The following CSMD1 variants were observed in gnomAD, a reference collection of about 807,000 sequenced individuals.
CSMD1 encodes CUB and Sushi multiple domains 1.
CSMD1 carries 213 observed loss-of-function variants against 417.5 expected under a neutral mutation model. The ratio of observed to expected loss-of-function variants is 0.51; its 90% CI spans 0.46 to 0.57. CSMD1 has a LOEUF of 0.57. CSMD1 is among the 20% of genes least tolerant of loss of function. The pLI is 0.00. For synonymous variants in CSMD1, 2,862 were observed against 1,736.8 expected, an observed-to-expected ratio of 1.65 and a Z score of -16.11; for missense variants, 6,923 against 4,529.7, an observed-to-expected ratio of 1.53 and a Z score of -15.17.
chr8:3,790,552 G>C (rs759489330), intron 5 of CSMD1, among the ~76,000 whole-genome samples: 12 of 152,204 alleles, frequency 7.9e-5, no homozygotes, highest in Non-Finnish European at 1.2e-4. Context: ...CAGAAACTTA[G>C]ACAACTAGGA....
chr8:3,232,484 T>A lies in CSMD1; in HGVS notation c.4154-2253A>T, dbSNP rs145934110. Among the ~76,000 whole-genome samples, 17 of 152,302 alleles carry A rather than the reference T, an allele frequency of 1.1e-4. 1 individual carries two copies. In the East Asian group the frequency reaches 2.9e-3, roughly 26 times the overall value. ...GGAATGCACCATGATTTTTCCATCC[T>A]CTTCTTGATGGATCTTTGGGTCATT... On this transcript the variant is annotated intron_variant, in intron 26 of 69. Coordinates refer to ENST00000635120, the MANE Select transcript of CSMD1 (RefSeq NM_033225.6).
intron 3 of CSMD1, among the ~76,000 whole-genome samples, chr8:4,211,242 TA>T (rs1442942794): frequency 6.6e-6 from 1 of 152,030 alleles, no homozygotes; most frequent in Admixed American, 6.6e-5. Context: ...GCACCTCAGA[TA>T]GGGGGAAAAG....
In CSMD1 at chr8:4,841,930, A is replaced by AAAAAAAAAAAACAAAAC. The variant is rs1192383183; in HGVS notation, c.85+152401_85+152402insGTTTTGTTTTTTTTTTT. On this transcript the variant is annotated intron_variant, in intron 1 of 69. Coordinates refer to ENST00000635120, the MANE Select transcript of CSMD1 (RefSeq NM_033225.6). ...CCGTCTCAAAAAAAAAAAAAAAAAA[A>AAAAAAAAAAAACAAAAC]AAAAAAAAGTTCAGAACAATGGATA... Among the ~76,000 whole-genome samples the AAAAAAAAAAAACAAAAC allele has an allele frequency of 1.8e-3, 217 of 122,456 alleles. 7 individuals carry two copies. Among genetic ancestry groups the AAAAAAAAAAAACAAAAC allele is most frequent in the Middle Eastern group, 0.013 (3 of 226 alleles). The allele number at this position is 122,456 out of a possible 152,430, so 80.3% of individuals were successfully genotyped here.
At chr8:3,533,863 T>C (rs1429534872) in intron 10 of CSMD1, among the ~76,000 whole-genome samples, 1 of 152,208 alleles carries the variant, frequency 6.6e-6, no homozygotes, top group Non-Finnish European at 1.5e-5. Flanking sequence ...AGTCTGTAGG[T>C]ATCTACAATC....
chr8:3,751,459 TTAAA>T (rs1292982202), intron 6 of CSMD1, among the ~76,000 whole-genome samples: 1 of 148,364 alleles, frequency 6.7e-6, no homozygotes, highest in African/African-American at 2.4e-5. Flanking sequence ...ATGTTTATAC[TTAAA>T]TATATAATTA....
At chr8:3,979,282 C>G (rs1218773820) in intron 5 of CSMD1, among the ~76,000 whole-genome samples, 1 of 152,158 alleles carries the variant, frequency 6.6e-6, no homozygotes, top group Non-Finnish European at 1.5e-5. Context: ...GCAATGTGCT[C>G]TAATTTGTTC....
Position 3,307,840 on chromosome 8 carries a change from G to A in CSMD1, c.3824-19C>T. ...CATTCCGCTGTAGAAGACACAGAGAGATGGGAACGTTCAGCTTCAGGCATC... is the reference window on the plus strand; with the variant it reads ...CATTCCGCTGTAGAAGACACAGAGAAATGGGAACGTTCAGCTTCAGGCATC... On this transcript the variant is annotated intron_variant, in intron 24 of 69. Coordinates refer to ENST00000635120, the MANE Select transcript of CSMD1 (RefSeq NM_033225.6). The A allele has an allele frequency of 6.2e-7, 1 of 1,605,236 alleles. No individual in the cohort carries two copies. The highest frequency in any genetic ancestry group is 1.3e-5 in the African/African-American group (1 of 74,702).
At chr8:4,115,586 C>G (rs965877526) in intron 3 of CSMD1, among the ~76,000 whole-genome samples, 3 of 152,182 alleles carry the variant, frequency 2.0e-5, no homozygotes, top group African/African-American at 7.2e-5. Context: ...CTTAACTGAT[C>G]ATACATTTTT....
At chr8:4,994,093 C>T (rs1051024631) in intron 1 of CSMD1, among the ~76,000 whole-genome samples, 1 of 152,056 alleles carries the variant, frequency 6.6e-6, no homozygotes, top group Admixed American at 6.5e-5. Context: ...AGAGATCTCT[C>T]CTGTGAGCCC....
chr8:4,350,789 TC>T (rs1360470725), intron 3 of CSMD1, among the ~76,000 whole-genome samples: 1 of 152,184 alleles, frequency 6.6e-6, no homozygotes, highest in African/African-American at 2.4e-5. Flanking sequence ...ATTTTTAAAT[TC>T]CCAGCATCTA....
intron 5 of CSMD1, among the ~76,000 whole-genome samples, chr8:3,900,657 AGTGACAGTGTAGCTAG>A (rs1246175984): frequency 1.3e-5 from 2 of 150,596 alleles, no homozygotes; most frequent in African/African-American, 2.4e-5. Flanking sequence ...ACTGTAGCTG[AGTGACAGTGTAGCTAG>A]GTGACAGTGT....
chr8:3,022,604 G>C (rs1389915408), intron 51 of CSMD1, among the ~76,000 whole-genome samples: 1 of 150,114 alleles, frequency 6.7e-6, no homozygotes, highest in Non-Finnish European at 1.5e-5. Context: ...ACTCCTATCA[G>C]AAATATGAAT....
intron 1 of CSMD1, among the ~76,000 whole-genome samples, chr8:4,784,811 G>A (rs1026579965): frequency 2.0e-5 from 3 of 152,172 alleles, no homozygotes; most frequent in Non-Finnish European, 4.4e-5. Flanking sequence ...TCTCAGCAAA[G>A]CATTGTGGGT....
At chr8:4,426,665 T>C (rs1797577008) in intron 2 of CSMD1, among the ~76,000 whole-genome samples, 1 of 147,126 alleles carries the variant, frequency 6.8e-6, no homozygotes, top group Non-Finnish European at 1.5e-5. Flanking sequence ...TTTATAGTAA[T>C]ATTTTATTAT....
chr8:3,382,851 C>T (rs1352475641), intron 18 of CSMD1, among the ~76,000 whole-genome samples: 1 of 151,922 alleles, frequency 6.6e-6, no homozygotes, highest in Admixed American at 6.6e-5. Flanking sequence ...CAAAATTGAT[C>T]AATGTTTTTT....
At chr8:4,301,050 G>T (rs796326314) in intron 3 of CSMD1, among the ~76,000 whole-genome samples, 8 of 152,166 alleles carry the variant, frequency 5.3e-5, no homozygotes, top group Admixed American at 3.9e-4. Context: ...AAAGAAGTCA[G>T]AAGGAGCCAA....
intron 3 of CSMD1, among the ~76,000 whole-genome samples, chr8:4,359,575 G>A (rs187399500): frequency 1.3e-5 from 2 of 152,202 alleles, no homozygotes; most frequent in African/African-American, 2.4e-5. Context: ...GTTCCTTGGA[G>A]ATTACATGGT....
chr8:4,097,531 A>G (rs1485631492), intron 3 of CSMD1, among the ~76,000 whole-genome samples: 1 of 152,188 alleles, frequency 6.6e-6, no homozygotes, highest in Non-Finnish European at 1.5e-5. Flanking sequence ...GTGTGTTCAG[A>G]TTCACCTCAA....
At chr8:4,648,830 G>C (rs1803701859) in intron 1 of CSMD1, among the ~76,000 whole-genome samples, 1 of 152,156 alleles carries the variant, frequency 6.6e-6, no homozygotes, top group African/African-American at 2.4e-5. Context: ...TAAAATGTGT[G>C]TTTATAGTTG....
Sources: gnomAD v4.1 joint callset for allele counts (sites outside exome capture counted in the v4.1 genomes callset) on GRCh38, gnomAD v4.1.1 for gene constraint, MANE v1.5 for transcripts, NCBI Gene and HGNC (gene_info 2026-07-23, HGNC 2026-07-21) for gene names.